The following LRRC4C variants were observed in gnomAD, a reference collection of about 807,000 sequenced individuals.
The protein encoded by LRRC4C is leucine rich repeat containing 4C.
Under a neutral mutation model 33.6 loss-of-function variants are expected in LRRC4C, and 5 were observed. The ratio of observed to expected loss-of-function variants is 0.15; its 90% CI spans 0.08 to 0.31. The LOEUF is 0.31. LRRC4C is among the 10% of genes least tolerant of loss of function. LRRC4C has a pLI of 1.00. For missense variants in LRRC4C, 560 were observed against 796.7 expected, an observed-to-expected ratio of 0.70 and a Z score of 3.58; for synonymous variants, 329 against 302.0, an observed-to-expected ratio of 1.09 and a Z score of -0.93.
At chr11:40,249,198 G>T (rs1214381198) in intron 4 of LRRC4C, among the ~76,000 whole-genome samples, 1 of 152,124 alleles carries the variant, frequency 6.6e-6, no homozygotes, top group Non-Finnish European at 1.5e-5. Flanking sequence ...AATTAGCCGG[G>T]TGTGGTGGTG....
At chr11:40,642,544 C>A (rs1362921723) in intron 3 of LRRC4C, among the ~76,000 whole-genome samples, 1 of 152,136 alleles carries the variant, frequency 6.6e-6, no homozygotes, top group Non-Finnish European at 1.5e-5. Context: ...TGAAATATAA[C>A]TTTTACCTTG....
intron 3 of LRRC4C, among the ~76,000 whole-genome samples, chr11:40,496,269 A>G (rs1340179149): frequency 1.3e-5 from 2 of 151,822 alleles, no homozygotes; most frequent in East Asian, 3.9e-4. Context: ...AATCTCTATT[A>G]GTTGTCTTTC....
intron 1 of LRRC4C, among the ~76,000 whole-genome samples, chr11:41,306,010 ATTTC>A (rs1410257479): frequency 7.2e-6 from 1 of 139,300 alleles, no homozygotes; most frequent in Admixed American, 7.3e-5. Flanking sequence ...GGGCCCCCTT[ATTTC>A]TTTCTCTAAA....
chr11:41,224,399 A>C (rs918902345), intron 1 of LRRC4C, among the ~76,000 whole-genome samples: 1 of 152,196 alleles, frequency 6.6e-6, no homozygotes, highest in Non-Finnish European at 1.5e-5. Flanking sequence ...TTAGCTCTGT[A>C]ACTACAATTC....
intron 1 of LRRC4C, among the ~76,000 whole-genome samples, chr11:41,065,229 G>A (rs572789837): frequency 3.9e-5 from 6 of 152,062 alleles, no homozygotes; most frequent in South Asian, 2.1e-4. Context: ...AGGGGAGACC[G>A]CCATTACTGT....
intron 3 of LRRC4C, among the ~76,000 whole-genome samples, chr11:40,331,992 A>C (rs923160000): frequency 1.3e-5 from 2 of 152,238 alleles, no homozygotes; most frequent in African/African-American, 4.8e-5. Context: ...AGGTAAGATT[A>C]GCAGCATTGA....
intron 5 of LRRC4C, among the ~76,000 whole-genome samples, chr11:40,202,374 T>C (rs898382042): frequency 6.6e-6 from 1 of 151,790 alleles, no homozygotes; most frequent in Admixed American, 6.6e-5. Flanking sequence ...CCTCTAACCT[T>C]GAGAAAATTA....
chr11:40,502,608 A>G (rs1197850570), intron 3 of LRRC4C, among the ~76,000 whole-genome samples: 1 of 152,158 alleles, frequency 6.6e-6, no homozygotes, highest in Non-Finnish European at 1.5e-5. Context: ...AATGACCCCT[A>G]CGATTCAATT....
At chr11:40,743,108 C>T (rs998245786) in intron 2 of LRRC4C, among the ~76,000 whole-genome samples, 13 of 151,996 alleles carry the variant, frequency 8.6e-5, no homozygotes, top group Non-Finnish European at 1.6e-4. Context: ...GTACGAATGT[C>T]ATTTTTAGTA....
At chr11:40,917,776 T>G (rs929819046) in intron 2 of LRRC4C, among the ~76,000 whole-genome samples, 2 of 152,282 alleles carry the variant, frequency 1.3e-5, no homozygotes, top group Admixed American at 6.5e-5. Flanking sequence ...GGCCACCATT[T>G]ACATAATATA....
intron 1 of LRRC4C, among the ~76,000 whole-genome samples, chr11:41,441,523 C>G (rs1180163763): frequency 3.3e-5 from 5 of 150,778 alleles, no homozygotes; most frequent in Admixed American, 2.6e-4. Context: ...GTTTTCTCAG[C>G]CTCCATTTTA....
intron 1 of LRRC4C, among the ~76,000 whole-genome samples, chr11:41,183,642 C>T (rs1945554914): frequency 6.6e-6 from 1 of 152,162 alleles, no homozygotes; most frequent in Non-Finnish European, 1.5e-5. Context: ...GTGTCTGCAG[C>T]TTTTCCAGGC....
At chr11:40,495,661 T>G (rs554377816) in intron 3 of LRRC4C, among the ~76,000 whole-genome samples, 1 of 152,116 alleles carries the variant, frequency 6.6e-6, no homozygotes, top group East Asian at 1.9e-4. Context: ...ATCTTTGAAT[T>G]ATTGTTGCTA....
At chr11:40,802,778 T>C (rs966084930) in intron 2 of LRRC4C, among the ~76,000 whole-genome samples, 1 of 152,134 alleles carries the variant, frequency 6.6e-6, no homozygotes, top group African/African-American at 2.4e-5. Context: ...AGAATACATA[T>C]GGGAAGAAGA....
intron 2 of LRRC4C, among the ~76,000 whole-genome samples, chr11:40,687,023 C>T (rs1057237449): frequency 6.6e-6 from 1 of 152,044 alleles, no homozygotes; most frequent in Non-Finnish European, 1.5e-5. Context: ...CAATTGGTAC[C>T]CACATTACGG....
intron 5 of LRRC4C, among the ~76,000 whole-genome samples, chr11:40,191,888 A>G (rs897665603): frequency 1.3e-5 from 2 of 152,150 alleles, no homozygotes; most frequent in Admixed American, 1.3e-4. Flanking sequence ...TGAGCCCAAG[A>G]GGTCAAAGCT....
At chr11:40,380,849 G>T (rs917751084) in intron 3 of LRRC4C, among the ~76,000 whole-genome samples, 1 of 152,144 alleles carries the variant, frequency 6.6e-6, no homozygotes, top group Non-Finnish European at 1.5e-5. Flanking sequence ...TAATGTAAAT[G>T]AAATATGTGT....
At chr11:41,178,559 G>A (rs1215844561) in intron 1 of LRRC4C, among the ~76,000 whole-genome samples, 1 of 152,128 alleles carries the variant, frequency 6.6e-6, no homozygotes, top group Non-Finnish European at 1.5e-5. Context: ...GTCTTGCCAT[G>A]TTGACCAGGC....
Position 40,455,120 on chromosome 11 carries a change from G to A in LRRC4C, c.-269-135399C>T, listed in dbSNP as rs146068004. ...CCACACTTGAAAAGAGTAAGTGAGC[G>A]CCAAAATCACACCAGGTGAAAAATC... On this transcript the variant is annotated intron_variant, in intron 3 of 6. Coordinates refer to ENST00000528697, the MANE Select transcript of LRRC4C (RefSeq NM_001258419.2). 8.5e-5 allele frequency among the ~76,000 whole-genome samples: 13 copies of A among 152,188 alleles called. No homozygotes were observed. In the East Asian group the frequency reaches 9.7e-4, roughly 11 times the overall value.
Sources: gnomAD v4.1 joint callset for allele counts (sites outside exome capture counted in the v4.1 genomes callset) on GRCh38, gnomAD v4.1.1 for gene constraint, MANE v1.5 for transcripts, NCBI Gene and HGNC (gene_info 2026-07-23, HGNC 2026-07-21) for gene names.